LILRA2: variants seen among roughly 807,000 people sequenced by gnomAD.
LILRA2 encodes the protein leukocyte immunoglobulin like receptor A2.
LILRA2 carries 45 observed loss-of-function variants against 47.9 expected under a neutral mutation model. That is an observed-to-expected ratio of 0.94 (90% CI 0.74 to 1.20). The LOEUF (loss-of-function observed/expected upper bound fraction) is 1.20, where lower values mean the gene tolerates loss of function less well. Ranked by LOEUF, LILRA2 falls within the 50% of genes most tolerant of loss-of-function variation. LILRA2 has a pLI of 0.00. For missense variants in LILRA2, 651 were observed against 598.2 expected (o/e 1.09, Z -0.92); for synonymous variants, 279 against 249.2 (o/e 1.12, Z -1.13).
chr19:54,577,321 A>G, intron 6 of LILRA2: 1 of 487,244 alleles, frequency 2.1e-6, no homozygotes, highest in East Asian at 8.0e-5. Context: ...GAAGGAGAAC[A>G]GGCTGGGTGG....
At chr19:54,586,040 G>A (rs925065787) in intron 6 of LILRA2, among the ~76,000 whole-genome samples, 2 of 151,510 alleles carry the variant, frequency 1.3e-5, no homozygotes, top group Non-Finnish European at 2.9e-5. Flanking sequence ...TTTAATTTCT[G>A]GTACAATTTT....
rs573299389 is a variant in LILRA2, at chr19:54,579,293, T to C, written c.1255+3184T>C. Among the ~76,000 whole-genome samples, 16 of 152,338 alleles carry C rather than the reference T, an allele frequency of 1.1e-4. 1 individual carries two copies. The highest frequency in any genetic ancestry group is 3.6e-4 in the African/African-American group (15 of 41,572). ...CTTGACTTAATTATCGTATAGGGTGTAAGGAAGGGATCCAGTTTCAGCTTT... is the reference window on the plus strand; with the variant it reads ...CTTGACTTAATTATCGTATAGGGTGCAAGGAAGGGATCCAGTTTCAGCTTT... On this transcript the variant is annotated intron_variant, in intron 6 of 7. Transcript: ENST00000391738.
intron 6 of LILRA2, among the ~76,000 whole-genome samples, chr19:54,584,818 C>T (rs904286959): frequency 6.7e-4 from 102 of 152,200 alleles, no homozygotes; most frequent in African/African-American, 2.2e-3. Context: ...GTTCTGTTGC[C>T]GGTGAGGAGC....
At chr19:54,586,989 C>G (rs911100132) in intron 6 of LILRA2, 21 bp from the exon 7 acceptor site, 12 of 1,601,664 alleles carry the variant, frequency 7.5e-6, no homozygotes, top group Non-Finnish European at 1.0e-5. Flanking sequence ...CAGGGCTCTT[C>G]TCCACTGTTT....
At chr19:54,583,538 T>C (rs1368604415) in intron 6 of LILRA2, among the ~76,000 whole-genome samples, 1 of 152,194 alleles carries the variant, frequency 6.6e-6, no homozygotes, top group Non-Finnish European at 1.5e-5. Flanking sequence ...TGGCCTTGTC[T>C]CTTTTGATCT....
Position 54,587,503 on chromosome 19 carries a change from C to A in LILRA2, c.*157C>A. 1 of 1,211,398 alleles carries A rather than the reference C, an allele frequency of 8.3e-7. No homozygotes were observed. The highest frequency in any genetic ancestry group is 1.1e-6 in the Non-Finnish European group (1 of 886,304). 75.0% of individuals were successfully genotyped at this position (1,211,398 alleles called of 1,614,324 possible). A position where few individuals can be genotyped will look rare whatever the true frequency, so the allele number is the denominator to read the frequency against. On this transcript the variant is annotated 3_prime_UTR_variant, in exon 8 of 8. Coordinates refer to ENST00000391738, the MANE Select transcript of LILRA2 (RefSeq NM_001130917.3). ...CAATCAATATTTGAGTGTAAGGAAA[C>A]TGTCTGGGGTGATTCCTAGAAGATC...
chr19:54,583,559 A>G (rs1035712770), intron 6 of LILRA2, among the ~76,000 whole-genome samples: 10 of 151,568 alleles, frequency 6.6e-5, no homozygotes, highest in African/African-American at 2.4e-4. Context: ...TTGTTGGTTT[A>G]AAGTCTGTAT....
chr19:54,576,809 G>A (rs1022338779), intron 6 of LILRA2, among the ~76,000 whole-genome samples: 14 of 152,270 alleles, frequency 9.2e-5, no homozygotes, highest in South Asian at 2.1e-4. Flanking sequence ...GGAGGAGCCC[G>A]GGGAGGTGGG....
intron 6 of LILRA2, among the ~76,000 whole-genome samples, chr19:54,586,080 C>A (rs2062796214): frequency 6.6e-6 from 1 of 152,052 alleles, no homozygotes; most frequent in Non-Finnish European, 1.5e-5. Context: ...AATTTTATTT[C>A]TTTATTTCTA....
At chr19:54,576,636 G>A (rs117637289) in intron 6 of LILRA2, among the ~76,000 whole-genome samples, 89 of 152,314 alleles carry the variant, frequency 5.8e-4, no homozygotes, top group East Asian at 4.1e-3. Flanking sequence ...TGTTCCCTCC[G>A]TGGTGTTCAG....
chr19:54,576,418 C>G (rs367839759), intron 6 of LILRA2, among the ~76,000 whole-genome samples: 2 of 152,244 alleles, frequency 1.3e-5, no homozygotes, highest in African/African-American at 4.8e-5. Flanking sequence ...ATGTCTCCAC[C>G]TCAGAATCAG....
Position 54,575,932 on chromosome 19 carries a change from G to T in LILRA2, c.1078G>T (p.Ala360Ser), listed in dbSNP as rs145552399. 3 of 1,613,982 alleles carry T rather than the reference G, an allele frequency of 1.9e-6. No individual in the cohort carries two copies. The highest frequency in any genetic ancestry group is 1.3e-5 in the African/African-American group (1 of 74,944). The change falls in exon 6 of 8, where the codon GCA becomes TCA. Residue 360 changes from alanine (A) to serine (S), a missense_variant. Ala to Ser is a moderately conservative substitution (Grantham distance 99). Coordinates refer to ENST00000391738, the MANE Select transcript of LILRA2 (RefSeq NM_001130917.3). ...CACTTTCCTTCTGACCAAGGAGGGG[G>T]CAGGCCATCCCCCACTGCATCTGAG... Reference protein sequence around the residue: ...FHTFLLTKEGAGHPPLHLRSE... With the variant: ...FHTFLLTKEGSGHPPLHLRSE...
At chr19:54,575,674 A>C in intron 5 of LILRA2, 122 bp downstream of exon 5, 1 of 1,443,596 alleles carries the variant, frequency 6.9e-7, no homozygotes, top group South Asian at 1.2e-5. Context: ...ACAGAGAGAG[A>C]CAGGGGATGG....
At position 54,575,007 on chromosome 19, in the gene LILRA2, G is replaced by A. The variant is rs759062718; in HGVS notation, c.629G>A (p.Ser210Asn). The part of the protein sequence containing the change: ...SNSPYVWSLP[S>N]DLLELLVPGV... ...TCTCCCTATGTGTGGTCTCTACCCA[G>A]TGATCTCCTGGAGCTCCTGGTCCCA... Residue 210 changes from serine to asparagine, a missense_variant, in exon 4 of 8, where the codon AGT becomes AAT. Transcript: ENST00000391738. 11 of 1,613,992 alleles carry A rather than the reference G, an allele frequency of 6.8e-6. No individual in the cohort carries two copies. The highest frequency in any genetic ancestry group is 1.1e-5 in the South Asian group (1 of 91,094).
At chr19:54,577,697 C>T in intron 6 of LILRA2, 4 of 1,277,034 alleles carry the variant, frequency 3.1e-6, no homozygotes, top group Non-Finnish European at 4.1e-6. Context: ...AAGGAGGGGC[C>T]CTGCACCTGC....
At position 54,574,874 on chromosome 19, in the gene LILRA2, CT is replaced by C; in HGVS notation, c.497del (p.Leu166ArgfsTer20). On this transcript the variant is annotated frameshift_variant, in exon 4 of 8. Transcript: ENST00000391738. LOFTEE classifies it high-confidence loss of function. ...AGGAGAAGATGAACACCCACAACGC[CT>C]GAACTCCCATTCCCATGCCCGTGGG... ...KEGEDEHPQR[L>X]NSHSHARGWS... 6.2e-7 allele frequency: 1 copy of C among 1,614,272 alleles called. No individual in the cohort carries two copies. Among genetic ancestry groups the C allele is most frequent in the Non-Finnish European group, 8.5e-7 (1 of 1,180,050 alleles).
chr19:54,582,218 A>G (rs1180398416), intron 6 of LILRA2, among the ~76,000 whole-genome samples: 1 of 152,102 alleles, frequency 6.6e-6, no homozygotes, highest in Non-Finnish European at 1.5e-5. Context: ...TTCATCAGGG[A>G]TATTGACCTA....
At position 54,589,798 on chromosome 19, in the gene LILRA2, C is replaced by T. The variant is rs182465170; in HGVS notation, c.*2452C>T. 6.6e-6 allele frequency: 1 copy of T among 152,038 alleles called. No homozygotes were observed. The highest frequency in any genetic ancestry group is 1.5e-5 in the Non-Finnish European group (1 of 68,018). The allele number at this position is 152,038 out of a possible 1,614,324, so 9.4% of individuals were successfully genotyped here. On this transcript the variant is annotated 3_prime_UTR_variant, in exon 8 of 8. Coordinates refer to ENST00000391738, the MANE Select transcript of LILRA2 (RefSeq NM_001130917.3). ...GTCCTAGAAGATCCACTTAGAATTT[C>T]GGTATTTACTCACCATTTTGACTCC...
In LILRA2 at chr19:54,585,239, A is replaced by T. The variant is rs558934703; in HGVS notation, c.1256-1771A>T. On this transcript the variant is annotated intron_variant, in intron 6 of 7. Coordinates refer to ENST00000391738, the MANE Select transcript of LILRA2 (RefSeq NM_001130917.3). Reference sequence around the variant, plus strand: ...TTCCCAGTCAGGCTACACGGGGGTCAGGGACCCACTTGAGGATGCAGTCTG... The same window carrying T: ...TTCCCAGTCAGGCTACACGGGGGTCTGGGACCCACTTGAGGATGCAGTCTG... Among the ~76,000 whole-genome samples, 3 of 152,346 alleles carry T rather than the reference A, an allele frequency of 2.0e-5. No individual in the cohort carries two copies. The South Asian group carries it at 6.2e-4, about 32-fold the overall frequency.
Sources: allele counts gnomAD v4.1 joint callset (sites outside exome capture counted in the v4.1 genomes callset), GRCh38; gene constraint gnomAD v4.1.1; transcripts MANE v1.5; gene names NCBI Gene and HGNC (gene_info 2026-07-23, HGNC 2026-07-21).